Variants in HTT observed in about 807,000 individuals in gnomAD.
HTT encodes the protein huntingtin.
Under a neutral mutation model 362.3 loss-of-function variants are expected in HTT, and 104 were observed. The ratio of observed to expected loss-of-function variants is 0.29; its 90% CI spans 0.24 to 0.34. The LOEUF (loss-of-function observed/expected upper bound fraction) is 0.34. HTT is among the 10% of genes least tolerant of loss of function. HTT has a pLI of 1.00. For synonymous variants in HTT, 1,577 were observed against 1,548.7 expected (o/e 1.02, Z -0.43); for missense variants, 3,301 against 3,928.6 (o/e 0.84, Z 4.27).
At chr4:3,084,231 G>A (rs1231040438) in intron 1 of HTT, among the ~76,000 whole-genome samples, 1 of 124,934 alleles carries the variant, frequency 8.0e-6, no homozygotes, top group Non-Finnish European at 1.6e-5. Context: ...TGGCGACAGA[G>A]TCTTGCTCTG....
intron 26 of HTT, among the ~76,000 whole-genome samples, chr4:3,150,327 A>G (rs902198943): frequency 6.6e-6 from 1 of 152,150 alleles, no homozygotes; most frequent in African/African-American, 2.4e-5. Flanking sequence ...TTTAAATTTA[A>G]ATAACCTTAT....
In HTT at chr4:3,207,262, A is replaced by G. The variant is rs2110270249; in HGVS notation, c.6076-19A>G. 1.9e-6 allele frequency: 3 copies of G among 1,600,246 alleles called. No individual in the cohort carries two copies. Among genetic ancestry groups the G allele is most frequent in the Non-Finnish European group, 2.6e-6 (3 of 1,167,718 alleles). ...GTTGTTAGGTGTTACAAACACACTAATGTGTTTTTGTCTATTAGAGCAGCA... is the reference window on the plus strand; with the variant it reads ...GTTGTTAGGTGTTACAAACACACTAGTGTGTTTTTGTCTATTAGAGCAGCA... On this transcript the variant is annotated intron_variant, in intron 44 of 66. Coordinates refer to ENST00000355072, the MANE Select transcript of HTT (RefSeq NM_001388492.1).
chr4:3,223,300 A>G (rs543615123), intron 54 of HTT, 106 bp from the exon 55 acceptor site: 1 of 1,134,512 alleles, frequency 8.8e-7, no homozygotes, highest in Admixed American at 2.7e-5. Flanking sequence ...GGTAGCACTT[A>G]AGGCTCCTCT....
rs759240419 is a variant in HTT at position 3,107,292 on chromosome 4, C to G, written c.616C>G (p.Leu206Val). ...LVRPQKCRPY[L>V]VNLLPCLTRT... ...GTTCTTTTGCATACACAGGCCTTAC[C>G]TGGTGAACCTTCTGCCGTGCCTGAC... Residue 206 changes from leucine to valine, a missense_variant, in exon 6 of 67, where the codon CTG becomes GTG. Leu to Val is a conservative substitution (Grantham distance 32, BLOSUM62 1). Around this residue, in one of 4 missense-constraint regions of HTT, gnomAD observed 2,316 missense variants for 2,658.5 expected, o/e 0.87. Coordinates refer to ENST00000355072, the MANE Select transcript of HTT (RefSeq NM_001388492.1). 1 of 1,614,098 alleles carries G rather than the reference C, an allele frequency of 6.2e-7. No individual in the cohort carries two copies. The highest frequency in any genetic ancestry group is 8.5e-7 in the Non-Finnish European group (1 of 1,179,966).
chr4:3,199,841 C>T lies in HTT; in HGVS notation c.5478C>T (p.Ile1826=), dbSNP rs1342690422. 6.2e-7 allele frequency: 1 copy of T among 1,614,202 alleles called. No individual in the cohort carries two copies. The highest frequency in any genetic ancestry group is 8.5e-7 in the Non-Finnish European group (1 of 1,180,038). Residue 1826 remains isoleucine (I), a synonymous_variant, in exon 41 of 67, where the codon ATC becomes ATT. Coordinates refer to ENST00000355072, the MANE Select transcript of HTT (RefSeq NM_001388492.1). ...DSLNLRARSM[I]TTHPALVLLW... is the part of the protein sequence containing the mutation. ...TGAACTTGCGGGCTCGTTCCATGATCACCACCCACCCGGCCCTGGTGCTGC... is the reference window on the plus strand; with the variant it reads ...TGAACTTGCGGGCTCGTTCCATGATTACCACCCACCCGGCCCTGGTGCTGC...
chr4:3,145,106 A>T (rs746709716), intron 23 of HTT, 46 bp from the exon 24 acceptor site: 4 of 1,353,398 alleles, frequency 3.0e-6, no homozygotes. Flanking sequence ...AATTCAATAA[A>T]CCTTTGTGGT....
chr4:3,199,886 G>A lies in HTT; in HGVS notation c.5523G>A (p.Leu1841=), dbSNP rs772569799. ...ALVLLWCQIL[L]LVNHTDYRWW... ...TGCTGCTCTGGTGTCAGATACTGCT[G>A]CTTGTCAACCACACCGACTACCGCT... Residue 1841 remains leucine, a synonymous_variant, in exon 41 of 67, where the codon CTG becomes CTA. Coordinates refer to ENST00000355072, the MANE Select transcript of HTT (RefSeq NM_001388492.1). The A allele has an allele frequency of 1.2e-6, 2 of 1,614,168 alleles. No homozygotes were observed. The highest frequency in any genetic ancestry group is 3.3e-5 in the Admixed American group (2 of 60,026).
At chr4:3,117,433 T>C (rs901802897) in intron 8 of HTT, among the ~76,000 whole-genome samples, 1 of 152,182 alleles carries the variant, frequency 6.6e-6, no homozygotes, top group Non-Finnish European at 1.5e-5. Context: ...ATAATCCTAC[T>C]TCTCCCTTTT....
chr4:3,075,658 C>CGGGGGGGGGGGGG (rs1712496862), intron 1 of HTT, among the ~76,000 whole-genome samples: 1 of 47,896 alleles, frequency 2.1e-5, no homozygotes, highest in Non-Finnish European at 4.2e-5. Flanking sequence ...AGGGGGGGGG[C>CGGGGGGGGGGGGG]GGGGAGTGAG....
intron 50 of HTT, among the ~76,000 whole-genome samples, chr4:3,214,815 T>TAATGA (rs58813224): frequency 0.2 from 29,973 of 151,994 alleles, 4,511 homozygotes; most frequent in African/African-American, 0.43. Flanking sequence ...ATTTTGATAG[T>TAATGA]ATCTTGAGCC....
chr4:3,222,531 C>A, intron 54 of HTT, 44 bp downstream of exon 54: 1 of 1,420,920 alleles, frequency 7.0e-7, no homozygotes, highest in Non-Finnish European at 9.9e-7. Context: ...GCAGTTATGG[C>A]CGCTTGCAGG....
In HTT at chr4:3,228,865, T is replaced by A; in HGVS notation, c.7980-15T>A. The A allele has an allele frequency of 6.2e-7, 1 of 1,607,866 alleles. No individual in the cohort carries two copies. Among genetic ancestry groups the A allele is most frequent in the South Asian group, 1.1e-5 (1 of 90,916 alleles). ...CTCATGTACTTGGAAAATACCCATC[T>A]CGCATATTCCACAGGAAACACCGGG... On this transcript the variant is annotated splice_polypyrimidine_tract_variant and intron_variant, in intron 58 of 66. Transcript: ENST00000355072. The surrounding 1 kb of genome is among the most constrained non-coding windows in gnomAD (Gnocchi z 4.3).
At chr4:3,163,344 AT>A (rs1717535408) in intron 29 of HTT, among the ~76,000 whole-genome samples, 1 of 152,008 alleles carries the variant, frequency 6.6e-6, no homozygotes, top group African/African-American at 2.4e-5. Context: ...TTTATTGAGG[AT>A]TTTCACATCG....
chr4:3,228,479 G>A lies in HTT; in HGVS notation c.7849-136G>A. 1.1e-6 allele frequency: 1 copy of A among 949,178 alleles called. No individual in the cohort carries two copies. Among genetic ancestry groups the A allele is most frequent in the South Asian group, 2.4e-5 (1 of 41,266 alleles). 58.8% of individuals were successfully genotyped at this position (949,178 alleles called of 1,614,324 possible). On this transcript the variant is annotated intron_variant, in intron 57 of 66. Coordinates refer to ENST00000355072, the MANE Select transcript of HTT (RefSeq NM_001388492.1). The surrounding 1 kb of genome is among the most constrained non-coding windows in gnomAD (Gnocchi z 4.3). ...CTGTGGGCTCCCTTGCCCGTAACCTGGGGTGTCTGAACGACCCTTGCTAAG... is the reference window on the plus strand; with the variant it reads ...CTGTGGGCTCCCTTGCCCGTAACCTAGGGTGTCTGAACGACCCTTGCTAAG...
chr4:3,142,756 T>TCTA lies in HTT; in HGVS notation c.2946-10_2946-9insCTA. The TCTA allele has an allele frequency of 7.2e-7, 1 of 1,387,384 alleles. No homozygotes were observed. The highest frequency in any genetic ancestry group is 1.4e-5 in the African/African-American group (1 of 70,080). The allele number at this position is 1,387,384 out of a possible 1,614,324, so 85.9% of individuals were successfully genotyped here. A position where few individuals can be genotyped will look rare whatever the true frequency, so the allele number is the denominator to read the frequency against. On this transcript the variant is annotated splice_polypyrimidine_tract_variant and intron_variant, in intron 22 of 66. Coordinates refer to ENST00000355072, the MANE Select transcript of HTT (RefSeq NM_001388492.1). ...TAGTGTATTTTAAGTCTCTATATTT[T>TCTA]TGTTATTAGAATATATAGAGGCTAT...
intron 59 of HTT, among the ~76,000 whole-genome samples, 199 bp downstream of exon 59, chr4:3,229,208 TACAC>T (rs374043372): frequency 1.3e-3 from 176 of 130,836 alleles, no homozygotes; most frequent in Non-Finnish European, 1.8e-3. Flanking sequence ...GCATGCACCA[TACAC>T]ACAACACACA....
At chr4:3,235,201 C>A in intron 61 of HTT, 83 bp from the exon 62 acceptor site, 1 of 1,010,236 alleles carries the variant, frequency 9.9e-7, no homozygotes, top group South Asian at 1.4e-5. Flanking sequence ...GCTCTACACT[C>A]CCGCGTGGGG....
At chr4:3,079,461 A>G (rs1313922228) in intron 1 of HTT, among the ~76,000 whole-genome samples, 1 of 152,066 alleles carries the variant, frequency 6.6e-6, no homozygotes, top group Non-Finnish European at 1.5e-5. Context: ...GCGAGTTAAG[A>G]GTCTAGTGTA....
intron 6 of HTT, chr4:3,113,200 AGGAGGCCCCTT>A (rs1272544365): frequency 6.3e-6 from 1 of 158,542 alleles, no homozygotes; most frequent in Non-Finnish European, 1.4e-5. Context: ...ATTAGACCTG[AGGAGGCCCCTT>A]GGAGCTCTCT....
Sources: allele counts gnomAD v4.1 joint callset (sites outside exome capture counted in the v4.1 genomes callset), GRCh38; gene constraint gnomAD v4.1.1; regional missense constraint gnomAD v4.1.1; non-coding constraint Gnocchi (gnomAD v3.1); transcripts MANE v1.5; gene names NCBI Gene and HGNC (gene_info 2026-07-23, HGNC 2026-07-21).